Variants in DOCK9 observed in about 807,000 individuals in gnomAD.
The protein encoded by DOCK9 is dedicator of cytokinesis 9, also known as dedicator of cytokinesis protein 9.
A neutral mutation model predicts 263.3 loss-of-function variants in DOCK9; 89 were observed. The observed-to-expected ratio is 0.34, with a 90% CI of 0.28 to 0.40. The LOEUF is 0.40. DOCK9 is among the 10% of genes least tolerant of loss of function. The pLI, the probability that DOCK9 is intolerant of heterozygous loss-of-function variation, is 1.00. For missense variants in DOCK9, 2,140 were observed against 2,603.4 expected (o/e 0.82, Z 3.87); for synonymous variants, 976 against 973.1 (o/e 1.00, Z -0.06).
chr13:99,014,809 C>G (rs1015496336), intron 1 of DOCK9, among the ~76,000 whole-genome samples: 2 of 152,196 alleles, frequency 1.3e-5, no homozygotes, highest in African/African-American at 4.8e-5. Flanking sequence ...GAGGCACACC[C>G]ATCTGTGACT....
chr13:98,968,419 G>A (rs1325522722), intron 1 of DOCK9, among the ~76,000 whole-genome samples: 3 of 152,078 alleles, frequency 2.0e-5, no homozygotes, highest in Non-Finnish European at 2.9e-5. Flanking sequence ...CCAAGAGTTC[G>A]AGACCAGACT....
chr13:98,861,051 A>G (rs931533400), intron 32 of DOCK9, among the ~76,000 whole-genome samples: 2 of 152,148 alleles, frequency 1.3e-5, no homozygotes, highest in African/African-American at 4.8e-5. Context: ...GAAAGTGTTC[A>G]TTTTTGTTAG....
intron 3 of DOCK9, among the ~76,000 whole-genome samples, chr13:98,928,315 G>A (rs576060669): frequency 3.3e-5 from 5 of 152,198 alleles, no homozygotes; most frequent in Admixed American, 1.3e-4. Flanking sequence ...ACACTGAAAG[G>A]TTTTTGAAGT....
At chr13:98,845,710 A>T (rs1384520992) in intron 38 of DOCK9, among the ~76,000 whole-genome samples, 1 of 152,194 alleles carries the variant, frequency 6.6e-6, no homozygotes, top group Non-Finnish European at 1.5e-5. Context: ...TTTTAGGTTT[A>T]GTGCTGTAGT....
rs1473400419 is a variant in DOCK9 at position 98,887,141 on chromosome 13, ATATTTTTTTTTT to A, written c.2044-529_2044-518del. Among the ~76,000 whole-genome samples the A allele has an allele frequency of 7.0e-3, 418 of 59,612 alleles. 3 individuals are homozygous for A. Among genetic ancestry groups the A allele is most frequent in the African/African-American group, 0.029 (389 of 13,270 alleles). 39.1% of individuals were successfully genotyped at this position (59,612 alleles called of 152,430 possible). On this transcript the variant is annotated intron_variant, in intron 18 of 52. Coordinates refer to ENST00000682017, the MANE Select transcript of DOCK9 (RefSeq NM_001366683.2). ...TACTATATTTTATATATATATATAT[ATATTTTTTTTTT>A]TTTTTTTTTTTTTTGCATCTTTGTC...
chr13:98,956,339 C>G (rs1385584492), intron 1 of DOCK9, among the ~76,000 whole-genome samples: 1 of 152,208 alleles, frequency 6.6e-6, no homozygotes, highest in East Asian at 1.9e-4. Flanking sequence ...TTATGGCTCG[C>G]TTTCCACATG....
intron 1 of DOCK9, among the ~76,000 whole-genome samples, chr13:99,000,769 AC>A (rs2141831658): frequency 6.6e-6 from 1 of 152,250 alleles, no homozygotes; most frequent in East Asian, 1.9e-4. Context: ...AAATGCAAAT[AC>A]CCTTTAGCAG....
chr13:99,046,421 G>T (rs1165670128), intron 1 of DOCK9, among the ~76,000 whole-genome samples: 1 of 152,222 alleles, frequency 6.6e-6, no homozygotes, highest in Non-Finnish European at 1.5e-5. Context: ...GAAGTAGTTT[G>T]TTGGTTTTGA....
At chr13:98,840,456 C>A (rs1566673367) in intron 38 of DOCK9, among the ~76,000 whole-genome samples, 1 of 152,214 alleles carries the variant, frequency 6.6e-6, no homozygotes, top group African/African-American at 2.4e-5. Flanking sequence ...CAAATTTATA[C>A]AATTTTCATT....
chr13:98,810,334 G>C, intron 45 of DOCK9, 43 bp from the exon 46 acceptor site: 1 of 1,607,140 alleles, frequency 6.2e-7, no homozygotes, highest in Non-Finnish European at 8.5e-7. Context: ...GAGCGTTATG[G>C]GGAACGTGAC....
chr13:98,891,093 C>A (rs1397508623), intron 15 of DOCK9, among the ~76,000 whole-genome samples: 1 of 152,142 alleles, frequency 6.6e-6, no homozygotes, highest in African/African-American at 2.4e-5. Context: ...ACACAAGATC[C>A]TTTCCTGTTG....
chr13:99,014,380 C>G (rs1566300353), intron 1 of DOCK9, among the ~76,000 whole-genome samples: 1 of 152,208 alleles, frequency 6.6e-6, no homozygotes, highest in Non-Finnish European at 1.5e-5. Flanking sequence ...CACTTAAATT[C>G]CAACATACAT....
intron 1 of DOCK9, among the ~76,000 whole-genome samples, chr13:99,056,394 T>C (rs2040925364): frequency 1.3e-5 from 2 of 152,196 alleles, no homozygotes; most frequent in South Asian, 2.1e-4. Context: ...AAAGTAAGGT[T>C]ACATACTAAA....
intron 1 of DOCK9, among the ~76,000 whole-genome samples, chr13:99,069,565 C>G (rs2041579725): frequency 6.6e-6 from 1 of 152,198 alleles, no homozygotes. Context: ...CAGGAGTTGG[C>G]AAACTCGATT....
chr13:98,900,928 C>T (rs2048180763), intron 13 of DOCK9, among the ~76,000 whole-genome samples: 1 of 152,200 alleles, frequency 6.6e-6, no homozygotes, highest in Admixed American at 6.5e-5. Context: ...CTGGGGTATC[C>T]ACTCCTACTG....
intron 1 of DOCK9, among the ~76,000 whole-genome samples, chr13:99,041,947 C>T (rs1888503165): frequency 6.6e-6 from 1 of 152,142 alleles, no homozygotes; most frequent in African/African-American, 2.4e-5. Flanking sequence ...AGAGAATGGC[C>T]CTGCCAGGCT....
At chr13:99,074,525 G>A (rs144714104) in intron 1 of DOCK9, among the ~76,000 whole-genome samples, 1,912 of 152,278 alleles carry the variant, frequency 0.013, 16 homozygotes, top group Non-Finnish European at 0.021. Flanking sequence ...ATGAGACTTC[G>A]GGTCGCCCCA....
At chr13:98,891,543 A>G (rs991605960) in intron 15 of DOCK9, among the ~76,000 whole-genome samples, 3 of 152,186 alleles carry the variant, frequency 2.0e-5, no homozygotes, top group Non-Finnish European at 4.4e-5. Flanking sequence ...TCACTCCAAC[A>G]TCCTCCACAT....
At chr13:99,049,495 G>A (rs534449207) in intron 1 of DOCK9, among the ~76,000 whole-genome samples, 74 of 152,252 alleles carry the variant, frequency 4.9e-4, no homozygotes, top group African/African-American at 1.7e-3. Flanking sequence ...CTGAGGGAGT[G>A]TGTTAAAGGC....
Sources: allele counts gnomAD v4.1 joint callset (sites outside exome capture counted in the v4.1 genomes callset), GRCh38; gene constraint gnomAD v4.1.1; transcripts MANE v1.5; gene names NCBI Gene and HGNC (gene_info 2026-07-23, HGNC 2026-07-21).